LARS2: variants seen among roughly 807,000 people sequenced by gnomAD.
The protein encoded by LARS2 is leucine--tRNA ligase, mitochondrial.
In LARS2, 81 loss-of-function variants were observed where a neutral mutation model predicts 116.6. The ratio of observed to expected loss-of-function variants is 0.69; its 90% confidence interval spans 0.58 to 0.84. LARS2 has a LOEUF of 0.84. LARS2 is among the 40% of genes least tolerant of loss of function. LARS2 has a pLI of 0.00. For missense variants in LARS2, 968 were observed against 1,114.5 expected, an observed-to-expected ratio of 0.87 and a Z score of 1.87; for synonymous variants, 396 against 407.2, an observed-to-expected ratio of 0.97 and a Z score of 0.33.
chr3:45,425,956 G>A (rs1698589117), intron 6 of LARS2, among the ~76,000 whole-genome samples: 1 of 138,342 alleles, frequency 7.2e-6, no homozygotes, highest in Non-Finnish European at 1.5e-5. Flanking sequence ...TTGATTGGCT[G>A]CACTTCTCTT....
intron 15 of LARS2, 38 bp from the exon 16 acceptor site, chr3:45,513,097 C>T: frequency 7.4e-7 from 1 of 1,351,662 alleles, no homozygotes; most frequent in Non-Finnish European, 1.1e-6. Context: ...CCTCATGTCC[C>T]ACTCCTCCTG....
At chr3:45,442,015 A>G (rs771011977) in intron 6 of LARS2, among the ~76,000 whole-genome samples, 1 of 152,222 alleles carries the variant, frequency 6.6e-6, no homozygotes, top group Non-Finnish European at 1.5e-5. Flanking sequence ...TCTAGAGCTC[A>G]GGAAGATATA....
Position 45,474,319 on chromosome 3 carries a change from G to T in LARS2, c.827G>T (p.Cys276Phe), listed in dbSNP as rs748676805. ...KGMQAHWIGD[C>F]VGCHLDFTLK... ...ATGCAAGCCCACTGGATTGGGGACT[G>T]TGTGGGCTGCCACCTGGACTTCACA... is the stretch of plus-strand genomic sequence containing the variant. The change falls in exon 9 of 22, where the codon TGT (cysteine) becomes TTT (phenylalanine). Residue 276 changes from cysteine (C) to phenylalanine (F), a missense_variant. Cys to Phe is a radical substitution (Grantham distance 205, BLOSUM62 -2). Coordinates refer to ENST00000645846, the MANE Select transcript of LARS2 (RefSeq NM_015340.4). 1 of 1,610,320 alleles carries T rather than the reference G, an allele frequency of 6.2e-7. No individual in the cohort carries two copies. Among genetic ancestry groups the T allele is most frequent in the Non-Finnish European group, 8.5e-7 (1 of 1,177,026 alleles).
chr3:45,442,463 A>G (rs1488087716), intron 6 of LARS2, among the ~76,000 whole-genome samples: 1 of 152,238 alleles, frequency 6.6e-6, no homozygotes, highest in Non-Finnish European at 1.5e-5. Context: ...TTTACTACAC[A>G]AATTTATTAT....
chr3:45,438,704 G>A (rs1408692643), intron 6 of LARS2, among the ~76,000 whole-genome samples: 2 of 151,648 alleles, frequency 1.3e-5, no homozygotes, highest in African/African-American at 4.8e-5. Context: ...GCATGGTGGT[G>A]GGCTCCTGTA....
intron 4 of LARS2, among the ~76,000 whole-genome samples, chr3:45,413,835 G>C (rs542141668): frequency 4.6e-5 from 7 of 152,274 alleles, no homozygotes; most frequent in African/African-American, 1.7e-4. Flanking sequence ...CAGATCTGGC[G>C]ACTGGGATTG....
chr3:45,465,961 A>G (rs1042308521), intron 8 of LARS2, among the ~76,000 whole-genome samples: 1 of 152,262 alleles, frequency 6.6e-6, no homozygotes, highest in African/African-American at 2.4e-5. Flanking sequence ...ATGTATGAGA[A>G]TAAAAGAAAA....
chr3:45,528,873 CT>C (rs11350117), intron 20 of LARS2, among the ~76,000 whole-genome samples: 140,530 of 142,618 alleles, frequency 0.99, 69,234 homozygotes, highest in South Asian at 1. Context: ...TCTACAACAT[CT>C]TTTTTTTTTT....
chr3:45,520,390 C>T, intron 19 of LARS2, 94 bp downstream of exon 19: 2 of 806,694 alleles, frequency 2.5e-6, no homozygotes, highest in Non-Finnish European at 4.3e-6. Flanking sequence ...AGAGAGCACC[C>T]CCACTGTGTC....
At position 45,519,339 on chromosome 3, in the gene LARS2, A is replaced by G. The variant is rs144496152; in HGVS notation, c.2215-880A>G. On this transcript the variant is annotated intron_variant, in intron 18 of 21. Transcript: ENST00000645846. ...ACCCCGTTTCTACTAAAAACACAAA[A>G]AATTAGCCTGGCGTGGTGGCACGCG... Among the ~76,000 whole-genome samples, 879 of 151,468 alleles carry G rather than the reference A, an allele frequency of 5.8e-3. 11 individuals carry two copies. Among genetic ancestry groups the G allele is most frequent in the African/African-American group, 0.021 (849 of 41,278 alleles).
At chr3:45,466,031 T>G (rs1287581692) in intron 8 of LARS2, among the ~76,000 whole-genome samples, 2 of 152,228 alleles carry the variant, frequency 1.3e-5, no homozygotes, top group Non-Finnish European at 2.9e-5. Context: ...CATGTTTTGT[T>G]TCCAAGATGG....
At chr3:45,529,177 CATT>C (rs1700578051) in intron 20 of LARS2, among the ~76,000 whole-genome samples, 1 of 152,102 alleles carries the variant, frequency 6.6e-6, no homozygotes, top group South Asian at 2.1e-4. Flanking sequence ...CCTACAACAT[CATT>C]TTTAATGGTC....
At chr3:45,405,165 G>C (rs935291642) in intron 4 of LARS2, among the ~76,000 whole-genome samples, 2 of 151,572 alleles carry the variant, frequency 1.3e-5, no homozygotes, top group Non-Finnish European at 2.9e-5. Flanking sequence ...TGTTGATCAG[G>C]CTGGTCTTGA....
intron 6 of LARS2, among the ~76,000 whole-genome samples, chr3:45,439,210 CTTTTTTTTTTTTTTT>C (rs575140221): frequency 2.1e-3 from 132 of 62,466 alleles, no homozygotes; most frequent in African/African-American, 7.6e-3. Context: ...GAAACTCTGG[CTTTTTTTTTTTTTTT>C]TTTTTTTTTT....
At chr3:45,496,552 G>A (rs1700014749) in intron 14 of LARS2, among the ~76,000 whole-genome samples, 179 bp downstream of exon 14, 1 of 152,184 alleles carries the variant, frequency 6.6e-6, no homozygotes, top group Admixed American at 6.5e-5. Context: ...AGCTGTGACA[G>A]GTGTGAAAGG....
At chr3:45,461,023 AT>A (rs1699314179) in intron 8 of LARS2, among the ~76,000 whole-genome samples, 1 of 152,172 alleles carries the variant, frequency 6.6e-6, no homozygotes, top group Non-Finnish European at 1.5e-5. Context: ...GAAGCAGGAA[AT>A]TATGGCCTAA....
At chr3:45,445,639 T>C (rs2125703534) in intron 6 of LARS2, among the ~76,000 whole-genome samples, 1 of 152,350 alleles carries the variant, frequency 6.6e-6, no homozygotes. Context: ...CTAGTTGCCT[T>C]GAAGTGGGAA....
intron 7 of LARS2, among the ~76,000 whole-genome samples, chr3:45,447,811 G>C (rs1024212870): frequency 1.3e-5 from 2 of 152,182 alleles, no homozygotes; most frequent in African/African-American, 4.8e-5. Flanking sequence ...GTTTGTTATG[G>C]TGGGAGCTCA....
At chr3:45,419,257 C>A (rs990464969) in intron 5 of LARS2, among the ~76,000 whole-genome samples, 9 of 152,036 alleles carry the variant, frequency 5.9e-5, no homozygotes, top group African/African-American at 1.7e-4. Flanking sequence ...TTTTGGATTC[C>A]CACAATTTAT....
Sources: gnomAD v4.1 joint callset for allele counts (sites outside exome capture counted in the v4.1 genomes callset) on GRCh38, gnomAD v4.1.1 for gene constraint, MANE v1.5 for transcripts, NCBI Gene and HGNC (gene_info 2026-07-23, HGNC 2026-07-21) for gene names.